The following SDK2 variants were observed in gnomAD, a reference collection of about 807,000 sequenced individuals.
The protein encoded by SDK2 is sidekick cell adhesion molecule 2.
A neutral mutation model predicts 253.9 loss-of-function variants in SDK2; 105 were observed. That is an observed-to-expected ratio of 0.41 (90% CI 0.35 to 0.49). SDK2 has a LOEUF of 0.49. SDK2 is among the 20% of genes least tolerant of loss of function. The pLI is 0.06. For missense variants in SDK2, 2,608 were observed against 3,003.0 expected (o/e 0.87, Z 3.07); for synonymous variants, 1,249 against 1,234.9 (o/e 1.01, Z -0.24).
At chr17:73,485,693 A>C (rs2063765460) in intron 2 of SDK2, among the ~76,000 whole-genome samples, 1 of 152,250 alleles carries the variant, frequency 6.6e-6, no homozygotes, top group Non-Finnish European at 1.5e-5. Context: ...TTCATGTCAG[A>C]TGAAAATTAT....
Position 73,414,766 on chromosome 17 carries a change from G to A in SDK2, c.2369-7C>T. ...CCCGGAGGGACCGTGGGAACTAGAG[G>A]AGATGAGAGAACGGGGTGGGGTGGA... On this transcript the variant is annotated splice_region_variant and splice_polypyrimidine_tract_variant and intron_variant, in intron 17 of 44. Transcript: ENST00000392650. The A allele has an allele frequency of 6.3e-7, 1 of 1,599,100 alleles. No homozygotes were observed. The highest frequency in any genetic ancestry group is 1.1e-5 in the South Asian group (1 of 90,744).
chr17:73,580,268 C>A (rs1254122749), intron 1 of SDK2, among the ~76,000 whole-genome samples: 2 of 152,234 alleles, frequency 1.3e-5, no homozygotes, highest in African/African-American at 2.4e-5. Flanking sequence ...TGGCACATAC[C>A]AACGTGTAAT....
At chr17:73,421,483 T>C (rs1037852719) in intron 15 of SDK2, among the ~76,000 whole-genome samples, 2 of 151,922 alleles carry the variant, frequency 1.3e-5, no homozygotes, top group Non-Finnish European at 2.9e-5. Context: ...TCTACGGAGC[T>C]GGAGAGGATA....
At position 73,629,501 on chromosome 17, in the gene SDK2, G is replaced by A. The variant is rs1385311232; in HGVS notation, c.64+14524C>T. Among the ~76,000 whole-genome samples the A allele has an allele frequency of 6.6e-6, 1 of 152,162 alleles. No homozygotes were observed. Among genetic ancestry groups the A allele is most frequent in the Non-Finnish European group, 1.5e-5 (1 of 68,022 alleles). ...TAGTGATTAGATACGACCAAGGTGC[G>A]TATTTGCTGTCTATAATTGCTGCTT... On this transcript the variant is annotated intron_variant, in intron 1 of 44. Transcript: ENST00000392650. The surrounding 1 kb of genome is among the most constrained non-coding windows in gnomAD (Gnocchi z 5.0).
At chr17:73,368,163 C>T (rs150280038) in intron 37 of SDK2, among the ~76,000 whole-genome samples, 21 of 151,886 alleles carry the variant, frequency 1.4e-4, no homozygotes, top group East Asian at 3.9e-4. Context: ...GCGGGGCAAA[C>T]GGTGGGGAGG....
chr17:73,602,753 G>A (rs2045858419), intron 1 of SDK2, among the ~76,000 whole-genome samples: 1 of 151,988 alleles, frequency 6.6e-6, no homozygotes, highest in Admixed American at 6.6e-5. Flanking sequence ...TTGAGATGGA[G>A]TCTCACTGTG....
At chr17:73,451,552 C>A (rs2063489885) in intron 4 of SDK2, among the ~76,000 whole-genome samples, 2 of 152,286 alleles carry the variant, frequency 1.3e-5, no homozygotes, top group Non-Finnish European at 1.5e-5. Context: ...GGCAAGAACT[C>A]AACTTCTATG....
In SDK2 at chr17:73,552,694, C is replaced by T. The variant is rs576290137; in HGVS notation, c.65-45097G>A. 2.3e-4 allele frequency among the ~76,000 whole-genome samples: 35 copies of T among 152,312 alleles called. 1 individual carries two copies. The South Asian group carries it at 6.6e-3, about 29-fold the overall frequency. On this transcript the variant is annotated intron_variant, in intron 1 of 44. Transcript: ENST00000392650. ...GATACGGGGGAACAGGATTTGAGCC[C>T]GGCCAGGCTGACTGCAGAGCTTGAG...
intron 1 of SDK2, among the ~76,000 whole-genome samples, chr17:73,631,000 C>T (rs568677732): frequency 2.6e-5 from 4 of 152,100 alleles, no homozygotes; most frequent in African/African-American, 4.8e-5. Context: ...TCTCTGTCTT[C>T]GTGGGGCTCT....
intron 41 of SDK2, among the ~76,000 whole-genome samples, chr17:73,351,575 G>A (rs1008591398): frequency 6.6e-6 from 1 of 152,140 alleles, no homozygotes; most frequent in Non-Finnish European, 1.5e-5. Context: ...GGGGGAATTG[G>A]GAGGATGGAC....
intron 31 of SDK2, 127 bp from the exon 32 acceptor site, chr17:73,386,044 T>C: frequency 1.6e-6 from 1 of 628,972 alleles, no homozygotes; most frequent in East Asian, 2.9e-5. Context: ...CCTCCATGCC[T>C]GCTGGCCCGA....
At chr17:73,594,935 C>T (rs946518763) in intron 1 of SDK2, among the ~76,000 whole-genome samples, 6 of 152,112 alleles carry the variant, frequency 3.9e-5, no homozygotes, top group Non-Finnish European at 7.4e-5. Context: ...ACACAGCACA[C>T]GTGCACACAC....
intron 2 of SDK2, among the ~76,000 whole-genome samples, chr17:73,484,106 G>A (rs1055889838): frequency 3.3e-5 from 5 of 152,178 alleles, no homozygotes; most frequent in East Asian, 3.9e-4. Flanking sequence ...CCGCTCCTCC[G>A]GCTCGGGGAG....
intron 18 of SDK2, among the ~76,000 whole-genome samples, chr17:73,408,383 ATT>A (rs538704048): frequency 0.13 from 2,244 of 17,846 alleles, 19 homozygotes; most frequent in Non-Finnish European, 0.33. Context: ...GCGCCTGGCT[ATT>A]TTTTTTTTTT....
At chr17:73,385,232 C>T (rs1194388304) in intron 32 of SDK2, among the ~76,000 whole-genome samples, 2 of 152,174 alleles carry the variant, frequency 1.3e-5, no homozygotes, top group Non-Finnish European at 2.9e-5. Context: ...CACAGGAGGG[C>T]TCCGCGGGGC....
chr17:73,377,773 C>A (rs188909601), intron 36 of SDK2, among the ~76,000 whole-genome samples: 22 of 148,184 alleles, frequency 1.5e-4, no homozygotes, highest in African/African-American at 5.5e-4. Context: ...CCACCACACC[C>A]GGCTAATTTT....
intron 1 of SDK2, among the ~76,000 whole-genome samples, chr17:73,608,347 C>T (rs2045933000): frequency 6.6e-6 from 1 of 152,116 alleles, no homozygotes; most frequent in Admixed American, 6.6e-5. Context: ...GTCAGGGTGC[C>T]TGCTGGCAAC....
intron 1 of SDK2, among the ~76,000 whole-genome samples, chr17:73,599,569 G>A (rs2045809536): frequency 6.6e-6 from 1 of 151,890 alleles, no homozygotes; most frequent in African/African-American, 2.4e-5. Flanking sequence ...AAAAATAAAG[G>A]GGAGAGGGAA....
chr17:73,434,558 C>T (rs940893336), intron 9 of SDK2, among the ~76,000 whole-genome samples: 2 of 152,246 alleles, frequency 1.3e-5, no homozygotes, highest in African/African-American at 2.4e-5. Flanking sequence ...GACCCCTGAA[C>T]ATCCCCATTC....
Sources: allele counts gnomAD v4.1 joint callset (sites outside exome capture counted in the v4.1 genomes callset), GRCh38; gene constraint gnomAD v4.1.1; non-coding constraint Gnocchi (gnomAD v3.1); transcripts MANE v1.5; gene names NCBI Gene and HGNC (gene_info 2026-07-23, HGNC 2026-07-21).